TCERG1L: variants seen among roughly 807,000 people sequenced by gnomAD.
TCERG1L encodes the protein transcription elongation regulator 1 like, also known as transcription elongation regulator 1-like protein.
A neutral mutation model predicts 56.3 loss-of-function variants in TCERG1L; 37 were observed. That is an observed-to-expected ratio of 0.66 (90% CI 0.51 to 0.87). The LOEUF is 0.87. TCERG1L is among the 40% of genes least tolerant of loss of function. The pLI is 0.00. For missense variants in TCERG1L, 799 were observed against 774.2 expected (o/e 1.03, Z -0.38); for synonymous variants, 324 against 326.3 (o/e 0.99, Z 0.08).
chr10:131,113,519 C>T (rs1564794162), intron 9 of TCERG1L, among the ~76,000 whole-genome samples: 1 of 142,190 alleles, frequency 7.0e-6, no homozygotes, highest in South Asian at 2.6e-4. Context: ...TGGTTTGTAC[C>T]CACTCACCCC....
At chr10:131,166,948 C>G in intron 4 of TCERG1L, 63 bp from the exon 5 acceptor site, 3 of 1,459,924 alleles carry the variant, frequency 2.1e-6, no homozygotes, top group Non-Finnish European at 2.8e-6. Flanking sequence ...AAAACCTAAG[C>G]AATCAAAGAC....
chr10:131,308,094 A>T (rs58648182), intron 3 of TCERG1L, 117 bp downstream of exon 3: 1 of 1,114,616 alleles, frequency 9.0e-7, no homozygotes, highest in Non-Finnish European at 1.3e-6. Flanking sequence ...AAAAGGAATT[A>T]TATTTTACCA....
At chr10:131,175,728 C>T (rs1196468546) in intron 4 of TCERG1L, among the ~76,000 whole-genome samples, 1 of 152,192 alleles carries the variant, frequency 6.6e-6, no homozygotes, top group Non-Finnish European at 1.5e-5. Flanking sequence ...ATTCCAAGCA[C>T]TCTTGTGTCA....
At position 131,131,863 on chromosome 10, in the gene TCERG1L, A is replaced by T. The variant is rs372029670; in HGVS notation, c.1259+2516T>A. Among the ~76,000 whole-genome samples the T allele has an allele frequency of 9.1e-4, 138 of 152,338 alleles. 2 individuals are homozygous for T. Among genetic ancestry groups the T allele is most frequent in the African/African-American group, 3.2e-3 (131 of 41,568 alleles). On this transcript the variant is annotated intron_variant, in intron 8 of 11. Transcript: ENST00000368642. ...ATTACGCTATCCACACAAAAAGCGCAGGTCCAAATGAACAGATTTCAGCAG... is the reference window on the plus strand; with the variant it reads ...ATTACGCTATCCACACAAAAAGCGCTGGTCCAAATGAACAGATTTCAGCAG...
chr10:131,172,622 G>T (rs1467690796), intron 4 of TCERG1L, among the ~76,000 whole-genome samples: 1 of 152,232 alleles, frequency 6.6e-6, no homozygotes, highest in Non-Finnish European at 1.5e-5. Flanking sequence ...TCGCAGCTGG[G>T]AGCAGACCCT....
rs577329346 is a variant in TCERG1L at position 131,122,099 on chromosome 10, G to T, written c.1260-5165C>A. Among the ~76,000 whole-genome samples, 5 of 152,352 alleles carry T rather than the reference G, an allele frequency of 3.3e-5. No homozygotes were observed. In the South Asian group the frequency reaches 1.0e-3, roughly 32 times the overall value. ...GCGCTTTGGCAGAATGGTTTGCTGG[G>T]AAGAGTGGATTCGGAACCTAAAATG... On this transcript the variant is annotated intron_variant, in intron 8 of 11. Coordinates refer to ENST00000368642, the MANE Select transcript of TCERG1L (RefSeq NM_174937.4).
intron 4 of TCERG1L, among the ~76,000 whole-genome samples, chr10:131,244,817 C>T (rs992022808): frequency 3.3e-5 from 5 of 152,176 alleles, no homozygotes. Context: ...CAGGTGTCCC[C>T]CAGGGAGAGA....
intron 4 of TCERG1L, among the ~76,000 whole-genome samples, chr10:131,175,698 C>A (rs1173918187): frequency 6.6e-6 from 1 of 152,194 alleles, no homozygotes; most frequent in African/African-American, 2.4e-5. Flanking sequence ...CAGACAATTT[C>A]TATAAGAAAA....
At chr10:131,280,428 C>A in intron 3 of TCERG1L, among the ~76,000 whole-genome samples, 1 of 151,328 alleles carries the variant, frequency 6.6e-6, no homozygotes, top group East Asian at 1.9e-4. Flanking sequence ...GTTGGGAAGA[C>A]TGGAAGCAGG....
chr10:131,188,953 T>C (rs965142024), intron 4 of TCERG1L, among the ~76,000 whole-genome samples: 1 of 152,204 alleles, frequency 6.6e-6, no homozygotes, highest in Non-Finnish European at 1.5e-5. Flanking sequence ...TGTACACAAA[T>C]GAACCATAGT....
chr10:131,121,604 G>C (rs993708595), intron 8 of TCERG1L, among the ~76,000 whole-genome samples: 17 of 152,222 alleles, frequency 1.1e-4, no homozygotes, highest in African/African-American at 4.1e-4. Context: ...GCGCCACACA[G>C]ATGCCTCTAG....
intron 11 of TCERG1L, among the ~76,000 whole-genome samples, chr10:131,096,439 T>TG (rs1845247703): frequency 1.6e-5 from 2 of 124,926 alleles, no homozygotes; most frequent in Non-Finnish European, 3.7e-5. Context: ...TAATTCATGC[T>TG]ATTTTTTCCC....
At chr10:131,217,199 G>A (rs933974910) in intron 4 of TCERG1L, among the ~76,000 whole-genome samples, 9 of 152,152 alleles carry the variant, frequency 5.9e-5, no homozygotes, top group African/African-American at 1.9e-4. Flanking sequence ...TGCTATTCTC[G>A]TGACAGTGAG....
At chr10:131,166,686 G>A in intron 5 of TCERG1L, 111 bp downstream of exon 5, 1 of 1,053,622 alleles carries the variant, frequency 9.5e-7, no homozygotes, top group Non-Finnish European at 1.4e-6. Flanking sequence ...ACAGCAGATG[G>A]CAGTCATTTC....
At chr10:131,308,008 T>C (rs1846833332) in intron 3 of TCERG1L, among the ~76,000 whole-genome samples, 1 of 152,186 alleles carries the variant, frequency 6.6e-6, no homozygotes, top group African/African-American at 2.4e-5. Context: ...TCAGATCTCA[T>C]ATCCACCCAC....
intron 4 of TCERG1L, among the ~76,000 whole-genome samples, chr10:131,171,697 A>G (rs1432041240): frequency 2.0e-5 from 3 of 152,126 alleles, no homozygotes; most frequent in South Asian, 2.1e-4. Context: ...CAGCCTCCCG[A>G]GCAGCTGAGA....
chr10:131,162,326 T>C (rs866414053), intron 6 of TCERG1L: 2 of 152,360 alleles, frequency 1.3e-5, no homozygotes, highest in East Asian at 1.9e-4. Context: ...ACACTGACCA[T>C]GGCATAGAAG....
chr10:131,093,157 C>G lies in TCERG1L; in HGVS notation c.*5G>C, dbSNP rs561434062. On this transcript the variant is annotated 3_prime_UTR_variant, in exon 12 of 12. Transcript: ENST00000368642. ...CCCCCGGGCTTATTGCATTTTTTCA[C>G]AAACTCATCTCATTTTCCGCAGCCT... 51 of 1,611,562 alleles carry G rather than the reference C, an allele frequency of 3.2e-5. No individual in the cohort carries two copies. In the South Asian group the frequency reaches 5.1e-4, roughly 16 times the overall value.
rs1180212573 is a variant in TCERG1L, at chr10:131,267,295, C to T, written c.671-6851G>A. Among the ~76,000 whole-genome samples the T allele has an allele frequency of 6.6e-6, 1 of 152,184 alleles. No homozygotes were observed. Among genetic ancestry groups the T allele is most frequent in the Admixed American group, 6.5e-5 (1 of 15,288 alleles). ...CACCTGGCTGGACTGCAACAGCACC[C>T]AGGCTTGGCCCCAACCCTACTCTAG... On this transcript the variant is annotated intron_variant, in intron 3 of 11. Transcript: ENST00000368642. This position sits in a 1 kb window ranked among gnomAD's most constrained non-coding sequence, Gnocchi z 4.9.
Sources: gnomAD v4.1 joint callset for allele counts (sites outside exome capture counted in the v4.1 genomes callset) on GRCh38, gnomAD v4.1.1 for gene constraint, Gnocchi (gnomAD v3.1) non-coding constraint, MANE v1.5 for transcripts, NCBI Gene and HGNC (gene_info 2026-07-23, HGNC 2026-07-21) for gene names.